PFKP: variants seen among roughly 807,000 people sequenced by gnomAD.
PFKP encodes phosphofructokinase, platelet, also known as ATP-dependent 6-phosphofructokinase, platelet type.
Under a neutral mutation model 94.3 loss-of-function variants are expected in PFKP, and 101 were observed. The observed-to-expected ratio is 1.07, with a 90% confidence interval of 0.91 to 1.26. The LOEUF (loss-of-function observed/expected upper bound fraction) is 1.26. PFKP is among the 50% of genes most tolerant of loss of function. PFKP has a pLI of 0.00. For missense variants in PFKP, 1,145 were observed against 1,103.3 expected (o/e 1.04, Z -0.53); for synonymous variants, 573 against 432.6 (o/e 1.32, Z -4.03).
At chr10:3,077,633 A>C (rs1832727344) in intron 1 of PFKP, among the ~76,000 whole-genome samples, 1 of 152,074 alleles carries the variant, frequency 6.6e-6, no homozygotes. Context: ...GGAAACTGAG[A>C]TTTGTAAACT....
At chr10:3,113,659 T>C in intron 13 of PFKP, 141 bp downstream of exon 13, 1 of 676,484 alleles carries the variant, frequency 1.5e-6, no homozygotes, top group Admixed American at 3.2e-5. Flanking sequence ...ACTGAAGCAT[T>C]GCTTCTGGAG....
In PFKP at chr10:3,099,234, A is replaced by G. The variant is rs138573995; in HGVS notation, c.187-41A>G. 6.9e-4 allele frequency: 998 copies of G among 1,446,024 alleles called. 8 individuals carry two copies. The African/African-American group carries it at 0.013, about 18-fold the overall frequency. 89.6% of individuals were successfully genotyped at this position (1,446,024 alleles called of 1,614,324 possible). ...TTAAGGATCACTTCCCATTTAGTGA[A>G]GTTTATCTCATTTTTAAAAGATTCT... is the stretch of plus-strand genomic sequence containing the variant. On this transcript the variant is annotated intron_variant, in intron 2 of 21. Transcript: ENST00000381125.
intron 1 of PFKP, chr10:3,069,423 AC>A: frequency 6.4e-7 from 1 of 1,562,822 alleles, no homozygotes; most frequent in Non-Finnish European, 8.7e-7. Flanking sequence ...TCGGGATAGG[AC>A]CCAGAGTGGC....
chr10:3,108,446 T>C (rs893117467), intron 8 of PFKP, among the ~76,000 whole-genome samples: 1 of 152,234 alleles, frequency 6.6e-6, no homozygotes, highest in East Asian at 1.9e-4. Context: ...GCAACGAACA[T>C]ATTACTTGTA....
At chr10:3,117,053 G>A (rs1836908561) in intron 14 of PFKP, among the ~76,000 whole-genome samples, 1 of 152,224 alleles carries the variant, frequency 6.6e-6, no homozygotes, top group Non-Finnish European at 1.5e-5. Flanking sequence ...TAAGAGAGAA[G>A]AGGAGGTAAC....
chr10:3,101,324 C>G lies in PFKP; in HGVS notation c.265-41C>G, dbSNP rs146890219. 1,441 of 1,528,104 alleles carry G rather than the reference C, an allele frequency of 9.4e-4. 13 individuals are homozygous for G. The African/African-American group carries it at 0.019, about 20-fold the overall frequency. 94.7% of individuals were successfully genotyped at this position (1,528,104 alleles called of 1,614,324 possible). On this transcript the variant is annotated intron_variant, in intron 3 of 21. Transcript: ENST00000381125. ...GTGTGTGCCATCCACCTGGCGCTCTCTCAGACTGAGAGGAGATAAATTAGC... is the reference window on the plus strand; with the variant it reads ...GTGTGTGCCATCCACCTGGCGCTCTGTCAGACTGAGAGGAGATAAATTAGC...
intron 1 of PFKP, chr10:3,069,261 G>T: frequency 1.4e-6 from 2 of 1,468,202 alleles, no homozygotes; most frequent in Non-Finnish European, 1.8e-6. Context: ...CAGCATCAAC[G>T]TTCTTCCTGC....
chr10:3,133,341 A>C (rs202132854), intron 19 of PFKP, 27 bp downstream of exon 19: 1 of 1,380,728 alleles, frequency 7.2e-7, no homozygotes, highest in Admixed American at 1.7e-5. Flanking sequence ...ATGAGGGGCC[A>C]CAAAGCCCCT....
chr10:3,116,409 G>C (rs1338608665), intron 13 of PFKP, among the ~76,000 whole-genome samples: 3 of 152,104 alleles, frequency 2.0e-5, no homozygotes, highest in African/African-American at 7.2e-5. Flanking sequence ...TTTCTCCCTA[G>C]TTTGTAAGAA....
chr10:3,133,199 T>C lies in PFKP; in HGVS notation c.1911-4T>C, dbSNP rs1838798832. The stretch of plus-strand genomic sequence containing the variant: ...ACAAAGTGACTCCTTCTCGCTCGTT[T>C]CAGAAATGAGAGCTGCAGTGAAAAC... On this transcript the variant is annotated splice_polypyrimidine_tract_variant and splice_region_variant and intron_variant, in intron 18 of 21. Coordinates refer to ENST00000381125, the MANE Select transcript of PFKP (RefSeq NM_002627.5). 17 of 1,610,592 alleles carry C rather than the reference T, an allele frequency of 1.1e-5. No individual in the cohort carries two copies. The highest frequency in any genetic ancestry group is 3.3e-5 in the Admixed American group (2 of 59,988).
Position 3,093,855 on chromosome 10 carries a change from G to A in PFKP, c.187-5420G>A, listed in dbSNP as rs200587461. On this transcript the variant is annotated intron_variant, in intron 2 of 21. Transcript: ENST00000381125. ...AGGTGGGGTTTCACCGTGTTAGCCAGGATGGTCTCCATCTCCTGACCTTGT... is the reference window on the plus strand; with the variant it reads ...AGGTGGGGTTTCACCGTGTTAGCCAAGATGGTCTCCATCTCCTGACCTTGT... 6.7e-4 allele frequency among the ~76,000 whole-genome samples: 102 copies of A among 152,204 alleles called. No homozygotes were observed. The East Asian group carries it at 0.011, about 17-fold the overall frequency.
rs528252569 is a variant in PFKP, at chr10:3,071,363, G to A, written c.112+3656G>A. On this transcript the variant is annotated intron_variant, in intron 1 of 21. Coordinates refer to ENST00000381125, the MANE Select transcript of PFKP (RefSeq NM_002627.5). ...CCTTGAATGAAGAAAGTATTTCTCA[G>A]GCTGTTTTTGTTTGTTTGTTTGTTT... is the stretch of plus-strand genomic sequence containing the variant. Among the ~76,000 whole-genome samples, 198 of 147,844 alleles carry A rather than the reference G, an allele frequency of 1.3e-3. 1 individual carries two copies. The highest frequency in any genetic ancestry group is 4.1e-3 in the African/African-American group (163 of 39,294).
chr10:3,135,604 G>C (rs1839173538), intron 20 of PFKP, 132 bp from the exon 21 acceptor site: 3 of 614,610 alleles, frequency 4.9e-6, no homozygotes, highest in Middle Eastern at 5.2e-4. Flanking sequence ...GCTGTTCTCA[G>C]TCTCACTGGG....
rs375269276 is a variant in PFKP at position 3,113,450 on chromosome 10, G to A, written c.1303G>A (p.Val435Met). Residue 435 changes from valine (V) to methionine (M), a missense_variant, in exon 13 of 22, where the codon GTG becomes ATG. This residue lies in a region of PFKP where 1,119 missense variants were observed against 1,062.8 expected (regional missense o/e 1.05). Coordinates refer to ENST00000381125, the MANE Select transcript of PFKP (RefSeq NM_002627.5). ...CGCAGCCGTACGCTCAGCTGTGCGC[G>A]TGGGCATTGCCGACGGCCACAGGAT... Reference protein sequence around the residue: ...MNAAVRSAVRVGIADGHRMLA... With the variant: ...MNAAVRSAVRMGIADGHRMLA... 9.9e-6 allele frequency: 16 copies of A among 1,612,660 alleles called. No homozygotes were observed. Among genetic ancestry groups the A allele is most frequent in the Admixed American group, 3.3e-5 (2 of 59,824 alleles).
At chr10:3,103,078 G>A (rs1277059280) in intron 4 of PFKP, among the ~76,000 whole-genome samples, 2 of 152,258 alleles carry the variant, frequency 1.3e-5, no homozygotes, top group African/African-American at 4.8e-5. Context: ...ACAGATGCAT[G>A]AGAAATCAGT....
intron 2 of PFKP, among the ~76,000 whole-genome samples, chr10:3,094,003 T>G (rs1261597776): frequency 6.6e-6 from 1 of 152,232 alleles, no homozygotes; most frequent in African/African-American, 2.4e-5. Flanking sequence ...ATTCTTCATG[T>G]ATGATCTGCC....
intron 2 of PFKP, among the ~76,000 whole-genome samples, chr10:3,095,704 C>A (rs1383355030): frequency 6.6e-6 from 1 of 152,184 alleles, no homozygotes; most frequent in Admixed American, 6.5e-5. Flanking sequence ...TCTAAGAAGA[C>A]TTCAAAAGAG....
In PFKP at chr10:3,132,447, A is replaced by T; in HGVS notation, c.1910+6A>T. The T allele has an allele frequency of 6.2e-7, 1 of 1,600,166 alleles. No homozygotes were observed. Among genetic ancestry groups the T allele is most frequent in the Non-Finnish European group, 8.6e-7 (1 of 1,167,498 alleles). Reference sequence around the variant, plus strand: ...CAGAGAGGCCTTGTGCTCAGGTGAGAGAGAGAGACCAGGGGCTGATCTTAC... The same window carrying T: ...CAGAGAGGCCTTGTGCTCAGGTGAGTGAGAGAGACCAGGGGCTGATCTTAC... On this transcript the variant is annotated splice_donor_region_variant and intron_variant, in intron 18 of 21. Coordinates refer to ENST00000381125, the MANE Select transcript of PFKP (RefSeq NM_002627.5).
intron 19 of PFKP, 75 bp downstream of exon 19, chr10:3,133,389 C>T (rs1275711512): frequency 1.1e-6 from 1 of 943,818 alleles, no homozygotes; most frequent in Non-Finnish European, 1.7e-6. Flanking sequence ...CTTATTTTAG[C>T]CATTGTGGGG....
Sources: allele counts gnomAD v4.1 joint callset (sites outside exome capture counted in the v4.1 genomes callset), GRCh38; gene constraint gnomAD v4.1.1; regional missense constraint gnomAD v4.1.1; transcripts MANE v1.5; gene names NCBI Gene and HGNC (gene_info 2026-07-23, HGNC 2026-07-21).